The following H3-3A variants were observed in gnomAD, a reference collection of about 807,000 sequenced individuals.
H3-3A encodes histone H3.3.
For missense variants in H3-3A, 7 were observed against 184.0 expected (o/e 0.04, Z 5.57); for synonymous variants, 49 against 61.4 (o/e 0.80, Z 0.95).
At chr1:226,067,670 A>G (rs1657972933) in intron 3 of H3-3A, among the ~76,000 whole-genome samples, 1 of 152,084 alleles carries the variant, frequency 6.6e-6, no homozygotes, top group Admixed American at 6.6e-5. Context: ...TAAACCCGGA[A>G]AGCAGAGGTT....
intron 3 of H3-3A, among the ~76,000 whole-genome samples, 153 bp from the exon 4 acceptor site, chr1:226,071,198 G>A (rs116528960): frequency 9.9e-4 from 151 of 152,218 alleles, no homozygotes; most frequent in Non-Finnish European, 1.8e-3. Flanking sequence ...TTGTCCCACA[G>A]GTTGTAAAAT....
At chr1:226,070,797 C>T (rs779841714) in intron 3 of H3-3A, among the ~76,000 whole-genome samples, 1 of 151,834 alleles carries the variant, frequency 6.6e-6, no homozygotes, top group Non-Finnish European at 1.5e-5. Context: ...AAATACGGAA[C>T]TAACTTGTGA....
chr1:226,064,578 G>A, intron 2 of H3-3A, 99 bp downstream of exon 2: 1 of 945,942 alleles, frequency 1.1e-6, no homozygotes, highest in South Asian at 1.7e-5. Context: ...TTGCTTTAGA[G>A]AAACTTTTTT....
chr1:226,068,736 A>G (rs1414390833), intron 3 of H3-3A, among the ~76,000 whole-genome samples: 1 of 152,246 alleles, frequency 6.6e-6, no homozygotes, highest in Non-Finnish European at 1.5e-5. Flanking sequence ...CATTTGGAGT[A>G]TTAAATGAGA....
chr1:226,062,610 A>G (rs555465458), upstream of H3-3A: 3 of 111,512 alleles, frequency 2.7e-5, no homozygotes, highest in African/African-American at 1.1e-4. Context: ...GCGCGAGAGG[A>G]GCTATGGGGG....
chr1:226,071,692 C>T lies in H3-3A; in HGVS notation c.*213C>T, dbSNP rs1380495975. On this transcript the variant is annotated 3_prime_UTR_variant, in exon 4 of 4. Coordinates refer to ENST00000366815, the MANE Select transcript of H3-3A (RefSeq NM_002107.7). Reference sequence around the variant, plus strand: ...TGTGTGTGAATTTTTAATATAAATGCGGAGACGTAAAGCATTAATGCAAGT... The same window carrying T: ...TGTGTGTGAATTTTTAATATAAATGTGGAGACGTAAAGCATTAATGCAAGT... 121 of 312,936 alleles carry T rather than the reference C, an allele frequency of 3.9e-4. No individual in the cohort carries two copies. The highest frequency in any genetic ancestry group is 5.5e-4 in the South Asian group (8 of 14,648). The allele number at this position is 312,936 out of a possible 1,614,324, so 19.4% of individuals were successfully genotyped here.
chr1:226,064,491 C>T lies in H3-3A; in HGVS notation c.128+12C>T. 1 of 1,601,006 alleles carries T rather than the reference C, an allele frequency of 6.2e-7. No homozygotes were observed. The highest frequency in any genetic ancestry group is 8.5e-7 in the Non-Finnish European group (1 of 1,173,084). On this transcript the variant is annotated intron_variant, in intron 2 of 3. Coordinates refer to ENST00000366815, the MANE Select transcript of H3-3A (RefSeq NM_002107.7). ...CCTCATCGTTACAGGTATTAAAAAACAGGAAAAAAATGGGACAAAGTCTCT... is the reference window on the plus strand; with the variant it reads ...CCTCATCGTTACAGGTATTAAAAAATAGGAAAAAAATGGGACAAAGTCTCT...
rs576128350 is a variant in H3-3A, at chr1:226,063,914, T to G, written c.-23-415T>G. The G allele has an allele frequency of 2.5e-4, 31 of 121,960 alleles. 1 individual carries two copies. The South Asian group carries it at 5.8e-3, about 23-fold the overall frequency. The allele number at this position is 121,960 out of a possible 1,614,324, so 7.6% of individuals were successfully genotyped here. On this transcript the variant is annotated intron_variant, in intron 1 of 3. Transcript: ENST00000366815. Reference sequence around the variant, plus strand: ...TCAGACGAAGGGGGGGCAGCCAAAGTGGGGGGGAGTAAGACCTTTTTTTTG... The same window carrying G: ...TCAGACGAAGGGGGGGCAGCCAAAGGGGGGGGGAGTAAGACCTTTTTTTTG...
chr1:226,064,603 CTT>C, intron 2 of H3-3A, 124 bp downstream of exon 2: 1 of 645,926 alleles, frequency 1.5e-6, no homozygotes, highest in Non-Finnish European at 2.7e-6. Flanking sequence ...CATTTGAACA[CTT>C]AACTACTGCT....
intron 1 of H3-3A, among the ~76,000 whole-genome samples, chr1:226,063,727 C>G (rs1295868820): frequency 6.6e-6 from 1 of 152,070 alleles, no homozygotes; most frequent in African/African-American, 2.4e-5. Flanking sequence ...TATTTCACTG[C>G]GAAGCCTGTG....
At chr1:226,070,495 C>A (rs531329531) in intron 3 of H3-3A, among the ~76,000 whole-genome samples, 4 of 150,114 alleles carry the variant, frequency 2.7e-5, no homozygotes, top group African/African-American at 9.8e-5. Flanking sequence ...AAGGAACTGC[C>A]GGGCGCGGTG....
At position 226,065,698 on chromosome 1, in the gene H3-3A, G is replaced by A; in HGVS notation, c.171G>A (p.Lys57=). The change falls in exon 3 of 4, where the codon AAG becomes AAA. Residue 57 remains lysine, a synonymous_variant. Transcript: ENST00000366815. ...VALREIRRYQ[K]STELLIRKLP... ...TCCGTGAAATTAGACGTTATCAGAA[G>A]TCCACTGAACTTCTGATTCGCAAAC... The A allele has an allele frequency of 6.2e-7, 1 of 1,609,244 alleles. No individual in the cohort carries two copies. Among genetic ancestry groups the A allele is most frequent in the Non-Finnish European group, 8.5e-7 (1 of 1,176,092 alleles).
At chr1:226,066,359 T>G in intron 3 of H3-3A, 1 of 153,846 alleles carries the variant, frequency 6.5e-6, no homozygotes, top group Non-Finnish European at 1.4e-5. Flanking sequence ...TTAAAGGTGA[T>G]ACTGGACGTG....
chr1:226,065,897 T>A, intron 3 of H3-3A, 88 bp downstream of exon 3: 1 of 979,164 alleles, frequency 1.0e-6, no homozygotes, highest in Non-Finnish European at 1.6e-6. Flanking sequence ...TTATATCATT[T>A]AATCACAAGC....
upstream of H3-3A, chr1:226,062,532 G>C (rs1422572830): frequency 6.9e-6 from 1 of 145,236 alleles, no homozygotes; most frequent in African/African-American, 2.7e-5. Flanking sequence ...GGAGGGAGCG[G>C]GCGGCGCGCG....
At chr1:226,062,037 G>C (rs1333802264), upstream of H3-3A, 13 of 152,200 alleles carry the variant, frequency 8.5e-5, no homozygotes, top group Non-Finnish European at 1.8e-4. Context: ...GCACTTGGCC[G>C]AGCGCGCAGG....
intron 1 of H3-3A, among the ~76,000 whole-genome samples, chr1:226,063,123 A>G (rs1187898955): frequency 1.8e-5 from 2 of 109,560 alleles, no homozygotes; most frequent in Admixed American, 9.6e-5. Context: ...CCCGGACCCC[A>G]AACCTTCACC....
intron 3 of H3-3A, 97 bp from the exon 4 acceptor site, chr1:226,071,254 T>G: frequency 5.4e-6 from 5 of 920,204 alleles, no homozygotes; most frequent in South Asian, 1.5e-5. Context: ...GTCATTTTTT[T>G]AAAGGGTTCA....
chr1:226,071,243 A>G (rs953420684), intron 3 of H3-3A, 108 bp from the exon 4 acceptor site: 1 of 792,652 alleles, frequency 1.3e-6, no homozygotes, highest in Admixed American at 2.4e-5. Flanking sequence ...CATCTTGCCC[A>G]GTCATTTTTT....
Sources: gnomAD v4.1 joint callset for allele counts (sites outside exome capture counted in the v4.1 genomes callset) on GRCh38, gnomAD v4.1.1 for gene constraint, MANE v1.5 for transcripts, NCBI Gene and HGNC (gene_info 2026-07-23, HGNC 2026-07-21) for gene names.